Variants in LONP1 observed in about 807,000 individuals in gnomAD.
LONP1 encodes the protein lon protease homolog, mitochondrial.
A neutral mutation model predicts 98.5 loss-of-function variants in LONP1; 31 were observed. That is an observed-to-expected ratio of 0.31 (90% confidence interval 0.24 to 0.42). The LOEUF is 0.42. LONP1 is among the 20% of genes least tolerant of loss of function. The pLI, the probability that LONP1 is intolerant of heterozygous loss-of-function variation, is 1.00. For synonymous variants in LONP1, 781 were observed against 594.7 expected, an observed-to-expected ratio of 1.31 and a Z score of -4.56; for missense variants, 1,336 against 1,350.6, an observed-to-expected ratio of 0.99 and a Z score of 0.17.
intron 4 of LONP1, 28 bp downstream of exon 4, chr19:5,711,743 G>A (rs776329249): frequency 6.3e-7 from 1 of 1,577,326 alleles, no homozygotes; most frequent in Non-Finnish European, 8.7e-7. Context: ...AGGCAGCTGT[G>A]GCCGCCCTGC....
intron 1 of LONP1, among the ~76,000 whole-genome samples, chr19:5,716,986 G>A (rs2055335340): frequency 6.6e-6 from 1 of 152,074 alleles, no homozygotes; most frequent in Non-Finnish European, 1.5e-5. Flanking sequence ...AGTAGAGACG[G>A]GGTTTCACCT....
At chr19:5,707,947 G>A (rs1385642632) in intron 5 of LONP1, 121 bp from the exon 6 acceptor site, 2 of 1,146,684 alleles carry the variant, frequency 1.7e-6, no homozygotes, top group African/African-American at 1.6e-5. Context: ...ACGGTCTAGG[G>A]GTGCTCGCTG....
At chr19:5,695,670 G>A (rs975186925) in intron 13 of LONP1, among the ~76,000 whole-genome samples, 3 of 152,096 alleles carry the variant, frequency 2.0e-5, no homozygotes, top group African/African-American at 7.2e-5. Flanking sequence ...GCTCCTCACT[G>A]AAACCACTTC....
In LONP1 at chr19:5,694,545, CG is replaced by C; in HGVS notation, c.2161del (p.Arg721GlyfsTer17). 1 of 1,611,226 alleles carries C rather than the reference CG, an allele frequency of 6.2e-7. No individual in the cohort carries two copies. Among genetic ancestry groups the C allele is most frequent in the Non-Finnish European group, 8.5e-7 (1 of 1,178,828 alleles). ...GCTGACAATCTTGTAGGCCGATTTC[CG>C]TAACACCTGGGCGGTCAGGGCAACA... ...NLQKQVEKVL[R>X]KSAYKIVSGE... On this transcript the variant is annotated frameshift_variant, in exon 15 of 18. Transcript: ENST00000360614. LOFTEE classifies it high-confidence loss of function.
At chr19:5,709,676 A>G (rs974214488) in intron 4 of LONP1, among the ~76,000 whole-genome samples, 7 of 151,868 alleles carry the variant, frequency 4.6e-5, no homozygotes, top group Non-Finnish European at 1.0e-4. Flanking sequence ...TTGGGATGCT[A>G]AGGCGGGCGG....
rs1454158006 is a variant in LONP1 at position 5,691,853 on chromosome 19, C to G, written c.*179G>C. The G allele has an allele frequency of 3.7e-6, 3 of 817,672 alleles. No homozygotes were observed. Among genetic ancestry groups the G allele is most frequent in the South Asian group, 1.8e-5 (1 of 56,822 alleles). 50.7% of individuals were successfully genotyped at this position (817,672 alleles called of 1,614,324 possible). ...CCGCCGTACTGCAAATGACTTTAAT[C>G]ATTAAATAGCTTCTATGCCACACTC... On this transcript the variant is annotated 3_prime_UTR_variant, in exon 18 of 18. Transcript: ENST00000360614.
chr19:5,703,976 T>A (rs1451530170), intron 8 of LONP1, among the ~76,000 whole-genome samples: 1 of 152,068 alleles, frequency 6.6e-6, no homozygotes, highest in South Asian at 2.1e-4. Context: ...CCCGAAAACA[T>A]CTACGTTCTC....
chr19:5,701,221 G>A (rs907055833), intron 8 of LONP1, among the ~76,000 whole-genome samples: 83 of 152,284 alleles, frequency 5.5e-4, no homozygotes, highest in Admixed American at 9.8e-4. Context: ...CGAGGCAGGC[G>A]GATCACAAGG....
At chr19:5,718,350 C>T (rs1342178496) in intron 1 of LONP1, among the ~76,000 whole-genome samples, 1 of 151,936 alleles carries the variant, frequency 6.6e-6, no homozygotes, top group Non-Finnish European at 1.5e-5. Flanking sequence ...CGGTGGCGGG[C>T]GCCTGTAATC....
intron 3 of LONP1, 120 bp downstream of exon 3, chr19:5,713,014 T>G: frequency 4.9e-6 from 7 of 1,419,394 alleles, no homozygotes; most frequent in Non-Finnish European, 5.9e-6. Context: ...TCAGTGCTAG[T>G]GAGAAAGCCG....
rs546485202 is a variant in LONP1 at position 5,706,435 on chromosome 19, CCT to C, written c.1147-445_1147-444del. Among the ~76,000 whole-genome samples, 175 of 152,158 alleles carry C rather than the reference CCT, an allele frequency of 1.2e-3. 1 individual carries two copies. Among genetic ancestry groups the C allele is most frequent in the Admixed American group, 2.1e-3 (32 of 15,274 alleles). On this transcript the variant is annotated intron_variant, in intron 7 of 17. Coordinates refer to ENST00000360614, the MANE Select transcript of LONP1 (RefSeq NM_004793.4). ...ACCAGCCTGGCCAACATGGTGAAACCCTGTCTCTACTAAAATACAAAAATTAG... is the reference window on the plus strand; with the variant it reads ...ACCAGCCTGGCCAACATGGTGAAACCGTCTCTACTAAAATACAAAAATTAG...
rs759748706 is a variant in LONP1 at position 5,696,329 on chromosome 19, C to T, written c.1816G>A (p.Ala606Thr). 6.2e-7 allele frequency: 1 copy of T among 1,613,230 alleles called. No individual in the cohort carries two copies. The highest frequency in any genetic ancestry group is 1.3e-5 in the African/African-American group (1 of 74,932). ...GRGYQGDPSS[A>T]LLELLDPEQN... ...TCTGGGTCCAGCAGCTCCAGCAGTG[C>T]CGACGACGGGTCCCCCTGGTAGCCT... The change falls in exon 12 of 18, where the codon GCA becomes ACA. Residue 606 changes from alanine to threonine, a missense_variant. By Grantham distance (58) the Ala-to-Thr change is moderately conservative. Around this residue, in one of 5 missense-constraint regions of LONP1, gnomAD observed 555 missense variants for 542.6 expected, o/e 1.02. Transcript: ENST00000360614.
chr19:5,707,409 C>T (rs1214166073), intron 6 of LONP1, among the ~76,000 whole-genome samples: 4 of 152,196 alleles, frequency 2.6e-5, no homozygotes, highest in South Asian at 4.1e-4. Context: ...GGCAACGCCC[C>T]GGGTACACGG....
At chr19:5,706,946 T>C in intron 7 of LONP1, 114 bp downstream of exon 7, 2 of 828,928 alleles carry the variant, frequency 2.4e-6, no homozygotes, top group Non-Finnish European at 3.9e-6. Context: ...CAGGCCTTCT[T>C]GGCTTGCCCT....
At position 5,705,815 on chromosome 19, in the gene LONP1, G is replaced by C. The variant is rs1329687267; in HGVS notation, c.1324C>G (p.Leu442Val). Residue 442 changes from leucine to valine, a missense_variant, in exon 8 of 18, where the codon CTG becomes GTG. This residue lies in a region of LONP1 where 219 missense variants were observed against 241.0 expected (regional missense o/e 0.91). Coordinates refer to ENST00000360614, the MANE Select transcript of LONP1 (RefSeq NM_004793.4). ...KHVMDVVDEE[L>V]SKLGLLDNHS... ...TTGTCCAGCAGGCCCAGCTTGCTCA[G>C]CTCCTCGTCCACAACATCCATGACG... 6.2e-7 allele frequency: 1 copy of C among 1,613,978 alleles called. No homozygotes were observed. The highest frequency in any genetic ancestry group is 1.3e-5 in the African/African-American group (1 of 74,950).
In LONP1 at chr19:5,707,156, G is replaced by C. The variant is rs1035288118; in HGVS notation, c.1063-13C>G. 4 of 1,610,726 alleles carry C rather than the reference G, an allele frequency of 2.5e-6. No homozygotes were observed. The African/African-American group carries it at 5.3e-5, about 22-fold the overall frequency. On this transcript the variant is annotated splice_polypyrimidine_tract_variant and intron_variant, in intron 6 of 17. Coordinates refer to ENST00000360614, the MANE Select transcript of LONP1 (RefSeq NM_004793.4). ...GCCGCTTAGGAATCTGCCGAGACAG[G>C]GAGGACAGAAAGGATGAGCAGAAGT...
upstream of LONP1, chr19:5,720,213 C>A: frequency 2.2e-6 from 3 of 1,383,556 alleles, no homozygotes; most frequent in Non-Finnish European, 2.8e-6. Context: ...GCGCGTGCCT[C>A]GGTACCCGAT....
At chr19:5,712,467 A>C in intron 3 of LONP1, 1 of 175,008 alleles carries the variant, frequency 5.7e-6, no homozygotes. Flanking sequence ...ACCCACCTCC[A>C]CCTCTCACGC....
rs748099068 is a variant in LONP1, at chr19:5,693,639, G to A, written c.2451C>T (p.Ala817=). The A allele has an allele frequency of 2.5e-6, 4 of 1,614,118 alleles. No individual in the cohort carries two copies. The Admixed American group carries it at 5.0e-5, about 20-fold the overall frequency. Residue 817 remains alanine, a synonymous_variant, in exon 16 of 18, where the codon GCC becomes GCT. Coordinates refer to ENST00000360614, the MANE Select transcript of LONP1 (RefSeq NM_004793.4). ...TGAGGAAGGCTCTGGCGAAGGTGTA[G>A]GCTATGCGGGCGCTCTCCTTCATCA... The part of the protein sequence containing the change: ...GEVMKESARI[A]YTFARAFLMQ...
Sources: gnomAD v4.1 joint callset for allele counts (sites outside exome capture counted in the v4.1 genomes callset) on GRCh38, gnomAD v4.1.1 for gene constraint, gnomAD v4.1.1 regional missense constraint, MANE v1.5 for transcripts, NCBI Gene and HGNC (gene_info 2026-07-23, HGNC 2026-07-21) for gene names.